NMNAT2: variants seen among roughly 807,000 people sequenced by gnomAD.
NMNAT2 encodes nicotinamide/nicotinic acid mononucleotide adenylyltransferase 2.
Under a neutral mutation model 41.6 loss-of-function variants are expected in NMNAT2, and 11 were observed. The ratio of observed to expected loss-of-function variants is 0.26; its 90% CI spans 0.17 to 0.44. NMNAT2 has a LOEUF of 0.44. Among genes scored for constraint, NMNAT2 ranks in the 20% least tolerant of loss-of-function variants. The pLI is 1.00. For synonymous variants in NMNAT2, 148 were observed against 151.2 expected (o/e 0.98, Z 0.16); for missense variants, 288 against 407.7 (o/e 0.71, Z 2.53).
chr1:183,350,441 C>T (rs1200621245), intron 1 of NMNAT2, among the ~76,000 whole-genome samples: 1 of 152,094 alleles, frequency 6.6e-6, no homozygotes, highest in East Asian at 1.9e-4. Flanking sequence ...AAGAAGGGGC[C>T]CTCCTTCAGA....
intron 1 of NMNAT2, among the ~76,000 whole-genome samples, chr1:183,356,612 T>C (rs1362615606): frequency 1.3e-5 from 2 of 152,234 alleles, no homozygotes; most frequent in East Asian, 3.8e-4. Flanking sequence ...CCTAGTAACG[T>C]CATGCCAGGG....
At chr1:183,305,738 A>C (rs1380037836) in intron 1 of NMNAT2, among the ~76,000 whole-genome samples, 6 of 74,144 alleles carry the variant, frequency 8.1e-5, no homozygotes, top group Admixed American at 4.2e-4. Flanking sequence ...TTTTTTTTTA[A>C]AGAAAGAGTT....
intron 1 of NMNAT2, among the ~76,000 whole-genome samples, chr1:183,361,328 C>T (rs1206369826): frequency 1.3e-5 from 2 of 152,188 alleles, no homozygotes; most frequent in Admixed American, 1.3e-4. Context: ...GCCCAAACCT[C>T]TCTGGCCCTT....
In NMNAT2 at chr1:183,252,668, G is replaced by A. The variant is rs201722068; in HGVS notation, c.897C>T (p.Ser299=). 1.9e-5 allele frequency: 31 copies of A among 1,613,902 alleles called. No homozygotes were observed. Among genetic ancestry groups the A allele is most frequent in the South Asian group, 7.7e-5 (7 of 91,084 alleles). ...SQPVIDYILK[S]QLYINASG Reference sequence around the variant, plus strand: ...AGCCGGAGGCATTGATGTACAGCTGGCTTTTGAGGATGTAGTCGATGACCG... The same window carrying A: ...AGCCGGAGGCATTGATGTACAGCTGACTTTTGAGGATGTAGTCGATGACCG... The change falls in exon 11 of 11, where the codon AGC becomes AGT. Residue 299 remains serine, a synonymous_variant. Transcript: ENST00000287713.
intron 1 of NMNAT2, among the ~76,000 whole-genome samples, chr1:183,396,311 C>T (rs547963575): frequency 1.4e-4 from 22 of 152,134 alleles, no homozygotes; most frequent in African/African-American, 4.6e-4. Context: ...GATGGTCAGG[C>T]GGTTGTTAAC....
intron 1 of NMNAT2, among the ~76,000 whole-genome samples, chr1:183,399,168 G>A (rs940981058): frequency 1.9e-4 from 26 of 136,958 alleles, no homozygotes; most frequent in East Asian, 3.9e-4. Flanking sequence ...CCACTAGCAA[G>A]ACTAATAAAG....
chr1:183,313,718 T>G (rs974796815), intron 1 of NMNAT2, among the ~76,000 whole-genome samples: 6 of 152,216 alleles, frequency 3.9e-5, no homozygotes, highest in African/African-American at 1.4e-4. Flanking sequence ...ACTCTTGGCC[T>G]CAAGTGATCT....
intron 1 of NMNAT2, among the ~76,000 whole-genome samples, chr1:183,417,756 C>T (rs1202266756): frequency 6.6e-6 from 1 of 152,192 alleles, no homozygotes; most frequent in Non-Finnish European, 1.5e-5. Flanking sequence ...CTCCTTCGAG[C>T]TTTCGGCCCA....
At chr1:183,399,433 C>A (rs1648747242) in intron 1 of NMNAT2, among the ~76,000 whole-genome samples, 1 of 151,972 alleles carries the variant, frequency 6.6e-6, no homozygotes, top group South Asian at 2.1e-4. Context: ...GCCTACCAAC[C>A]AAAAAAGTCC....
intron 1 of NMNAT2, among the ~76,000 whole-genome samples, chr1:183,294,921 T>C (rs1661644194): frequency 6.6e-6 from 1 of 152,258 alleles, no homozygotes; most frequent in Non-Finnish European, 1.5e-5. Context: ...GCTGGCTGTG[T>C]AGTTTACAAG....
At chr1:183,314,773 A>G (rs527242552) in intron 1 of NMNAT2, among the ~76,000 whole-genome samples, 1 of 152,318 alleles carries the variant, frequency 6.6e-6, no homozygotes, top group Admixed American at 6.5e-5. Flanking sequence ...CAGCTACTCA[A>G]GAAGCTGAGG....
chr1:183,292,778 G>A lies in NMNAT2; in HGVS notation c.242+12C>T. On this transcript the variant is annotated intron_variant, in intron 3 of 10. Transcript: ENST00000287713. ...CGGGCCACTGCCTCTGGCATCTTCA[G>A]GCCAGTCCTACCTGATCCAATCAGA... is the stretch of plus-strand genomic sequence containing the variant. 6.2e-7 allele frequency: 1 copy of A among 1,612,908 alleles called. No homozygotes were observed. The highest frequency in any genetic ancestry group is 8.5e-7 in the Non-Finnish European group (1 of 1,179,302).
rs80143995 is a variant in NMNAT2, at chr1:183,343,333, A to G, written c.86-49540T>C. ...TGATTCACTCATTCAACAAATATCT[A>G]TTGAACAACCACAATGTTCTCCTCA... On this transcript the variant is annotated intron_variant, in intron 1 of 10. Coordinates refer to ENST00000287713, the MANE Select transcript of NMNAT2 (RefSeq NM_015039.4). 5.1e-3 allele frequency among the ~76,000 whole-genome samples: 780 copies of G among 152,332 alleles called. 5 individuals carry two copies. The highest frequency in any genetic ancestry group is 0.01 in the Middle Eastern group (3 of 294).
At chr1:183,273,626 A>C (rs561154451) in intron 8 of NMNAT2, among the ~76,000 whole-genome samples, 20 of 152,294 alleles carry the variant, frequency 1.3e-4, no homozygotes, top group African/African-American at 4.3e-4. Context: ...CTTGAGATCC[A>C]ACCTTCCCCA....
intron 8 of NMNAT2, among the ~76,000 whole-genome samples, chr1:183,269,407 A>G (rs1002357265): frequency 6.6e-6 from 1 of 152,234 alleles, no homozygotes; most frequent in Non-Finnish European, 1.5e-5. Flanking sequence ...ACAGGATCCA[A>G]TGTATGTGGA....
chr1:183,354,142 G>A (rs183137169), intron 1 of NMNAT2, among the ~76,000 whole-genome samples: 8 of 152,234 alleles, frequency 5.3e-5, no homozygotes, highest in Admixed American at 3.3e-4. Context: ...GTCTTGTTCC[G>A]CATGGCCAGA....
intron 1 of NMNAT2, among the ~76,000 whole-genome samples, chr1:183,347,414 C>A (rs201422679): frequency 6.6e-6 from 1 of 152,148 alleles, no homozygotes; most frequent in East Asian, 1.9e-4. Context: ...CATGATCGTA[C>A]CACCGCACTC....
chr1:183,377,922 T>C lies in NMNAT2; in HGVS notation c.85+40261A>G, dbSNP rs190772767. 3.3e-5 allele frequency among the ~76,000 whole-genome samples: 5 copies of C among 152,118 alleles called. No homozygotes were observed. The East Asian group carries it at 9.6e-4, about 29-fold the overall frequency. On this transcript the variant is annotated intron_variant, in intron 1 of 10. Transcript: ENST00000287713. ...GGTAGTTGAAAACTATAAGAAAGAA[T>C]CAAATGAAAATACTAGAAATCAAAA...
chr1:183,338,701 G>A (rs1662731461), intron 1 of NMNAT2, among the ~76,000 whole-genome samples: 1 of 152,090 alleles, frequency 6.6e-6, no homozygotes, highest in Non-Finnish European at 1.5e-5. Context: ...ACTACTCCTA[G>A]GCTACTCAGC....
Sources: allele counts gnomAD v4.1 joint callset (sites outside exome capture counted in the v4.1 genomes callset), GRCh38; gene constraint gnomAD v4.1.1; transcripts MANE v1.5; gene names NCBI Gene and HGNC (gene_info 2026-07-23, HGNC 2026-07-21).